NFATC2: variants seen among roughly 807,000 people sequenced by gnomAD.
The protein encoded by NFATC2 is nuclear factor of activated T cells 2, also known as nuclear factor of activated T-cells, cytoplasmic 2.
In NFATC2, 22 loss-of-function variants were observed where a neutral mutation model predicts 87.3. The observed-to-expected ratio is 0.25, with a 90% CI of 0.18 to 0.36. The LOEUF is 0.36. Ranked by LOEUF, NFATC2 falls within the 10% of genes least tolerant of loss-of-function variation. The probability of loss-of-function intolerance (pLI) is 1.00; values close to 1 mark genes in which losing one functional copy is unlikely to be tolerated. For synonymous variants in NFATC2, 565 were observed against 542.2 expected (o/e 1.04, Z -0.58); for missense variants, 1,149 against 1,259.1 (o/e 0.91, Z 1.32).
Position 51,562,489 on chromosome 20 carries a change from G to A in NFATC2, c.70+71C>T. On this transcript the variant is annotated intron_variant, in intron 1 of 10. Coordinates refer to the NFATC2 transcript ENST00000414705. This position sits in a 1 kb window ranked among gnomAD's most constrained non-coding sequence, Gnocchi z 5.8. ...CTGCCGGGAGCTGAAAGTGCTGCCC[G>A]GGACGGGAGCAGCAGGAAAGGGCCG... is the stretch of plus-strand genomic sequence containing the variant. The A allele has an allele frequency of 1.5e-6, 2 of 1,361,504 alleles. No individual in the cohort carries two copies. Among genetic ancestry groups the A allele is most frequent in the Non-Finnish European group, 2.0e-6 (2 of 981,684 alleles). The allele number at this position is 1,361,504 out of a possible 1,614,324, so 84.3% of individuals were successfully genotyped here. A position where few individuals can be genotyped will look rare whatever the true frequency, so the allele number is the denominator to read the frequency against.
chr20:51,510,787 G>A (rs190900867), intron 3 of NFATC2, among the ~76,000 whole-genome samples: 1 of 152,100 alleles, frequency 6.6e-6, no homozygotes, highest in Non-Finnish European at 1.5e-5. Context: ...ACACTCACCT[G>A]AGATTTAGGG....
At chr20:51,511,404 C>T (rs2076269537) in intron 3 of NFATC2, among the ~76,000 whole-genome samples, 1 of 152,210 alleles carries the variant, frequency 6.6e-6, no homozygotes, top group African/African-American at 2.4e-5. Context: ...GGTGATGCAG[C>T]GTGTGGCCCC....
intron 10 of NFATC2, among the ~76,000 whole-genome samples, chr20:51,394,586 GCT>G (rs1224944659): frequency 6.6e-6 from 1 of 151,712 alleles, no homozygotes; most frequent in Non-Finnish European, 1.5e-5. Context: ...CTGCGCTGAT[GCT>G]CTCCTTCCCC....
intron 3 of NFATC2, among the ~76,000 whole-genome samples, chr20:51,505,761 G>A (rs1422940800): frequency 2.6e-5 from 4 of 152,194 alleles, no homozygotes; most frequent in East Asian, 1.9e-4. Context: ...TCGTGGCATC[G>A]TTTGAGGACA....
chr20:51,403,423 C>T (rs1411904759), intron 9 of NFATC2, among the ~76,000 whole-genome samples: 1 of 152,196 alleles, frequency 6.6e-6, no homozygotes, highest in East Asian at 1.9e-4. Flanking sequence ...TCCTAAAAGA[C>T]AGTAGTTCCC....
intron 6 of NFATC2, among the ~76,000 whole-genome samples, chr20:51,451,060 A>G (rs1315721896): frequency 2.6e-5 from 4 of 152,210 alleles, no homozygotes; most frequent in African/African-American, 9.7e-5. Flanking sequence ...TTTCCTGCAC[A>G]GTTCCATCAG....
intron 1 of NFATC2, among the ~76,000 whole-genome samples, chr20:51,539,809 T>C (rs1345607484): frequency 3.9e-5 from 6 of 152,192 alleles, no homozygotes; most frequent in Non-Finnish European, 7.3e-5. Context: ...ACAGCATCCC[T>C]TCTCTTTCTG....
At chr20:51,496,675 G>A (rs2075993973) in intron 3 of NFATC2, among the ~76,000 whole-genome samples, 1 of 152,060 alleles carries the variant, frequency 6.6e-6, no homozygotes, top group Non-Finnish European at 1.5e-5. Flanking sequence ...CTACTTTACA[G>A]GCACAGAGAA....
At position 51,523,153 on chromosome 20, in the gene NFATC2, G is replaced by A. The variant is rs147894507; in HGVS notation, c.1088C>T (p.Ser363Leu). The A allele has an allele frequency of 5.0e-6, 8 of 1,614,102 alleles. No individual in the cohort carries two copies. Among genetic ancestry groups the A allele is most frequent in the African/African-American group, 1.3e-5 (1 of 74,946 alleles). The change falls in exon 2 of 11, where the codon TCG (serine) becomes TTG (leucine). Residue 363 changes from serine (S) to leucine (L), a missense_variant. By Grantham distance (145) the Ser-to-Leu change is moderately radical (BLOSUM62 -2). Transcript: ENST00000371564. This position sits in a 1 kb window ranked among gnomAD's most constrained non-coding sequence, Gnocchi z 6.9. ...GPCEQGERRN[S>L]APESILLVPP... Reference sequence around the variant, plus strand: ...AACCAGCAGGATGGATTCTGGAGCCGAGTTTCTCCTCTCGCCCTGCTCGCA... The same window carrying A: ...AACCAGCAGGATGGATTCTGGAGCCAAGTTTCTCCTCTCGCCCTGCTCGCA...
chr20:51,471,731 T>C (rs2146501439), intron 5 of NFATC2, among the ~76,000 whole-genome samples: 1 of 152,356 alleles, frequency 6.6e-6, no homozygotes, highest in East Asian at 1.9e-4. Context: ...AAATACGCTT[T>C]CCCTTTGCAT....
Position 51,523,487 on chromosome 20 carries a change from G to T in NFATC2, c.754C>A (p.Arg252=). 6.2e-7 allele frequency: 1 copy of T among 1,612,198 alleles called. No individual in the cohort carries two copies. ...ASRSSSPGAK[R]RHSCAEALVA... Reference sequence around the variant, plus strand: ...AAGGCCTCGGCGCACGAATGCCTCCGCTTGGCACCAGGCGATGAGGAGCGG... The same window carrying T: ...AAGGCCTCGGCGCACGAATGCCTCCTCTTGGCACCAGGCGATGAGGAGCGG... Residue 252 remains arginine (R), a synonymous_variant, in exon 2 of 11, where the codon CGG becomes AGG. Transcript: ENST00000371564. The surrounding 1 kb of genome is among the most constrained non-coding windows in gnomAD (Gnocchi z 6.9).
At chr20:51,507,768 G>T (rs1217815143) in intron 3 of NFATC2, among the ~76,000 whole-genome samples, 1 of 152,212 alleles carries the variant, frequency 6.6e-6, no homozygotes, top group Non-Finnish European at 1.5e-5. Flanking sequence ...GACGTCCTAT[G>T]CCCCAATCAA....
intron 1 of NFATC2, among the ~76,000 whole-genome samples, chr20:51,542,084 G>A (rs565446483): frequency 4.6e-5 from 7 of 152,172 alleles, no homozygotes; most frequent in Non-Finnish European, 1.0e-4. Flanking sequence ...CCGCCCCCCA[G>A]CCTTGGGACC....
At chr20:51,453,037 C>T (rs1002324297) in intron 6 of NFATC2, 1 of 154,808 alleles carries the variant, frequency 6.5e-6, no homozygotes, top group Admixed American at 6.5e-5. Context: ...CATCTGCCTT[C>T]TAAACCACTC....
chr20:51,516,910 G>A lies in NFATC2; in HGVS notation c.1206C>T (p.Ser402=). The change falls in exon 3 of 11, where the codon TCC becomes TCT. Residue 402 remains serine (S), a synonymous_variant. Transcript: ENST00000371564. The stretch of plus-strand genomic sequence containing the variant: ...GCAGCTCGTAAGAGCCTGACTGACT[G>A]GACAGCGGCCACTCAAGTGGAGGGA... ...ASLPPLEWPL[S]SQSGSYELRI... is the part of the protein sequence containing the mutation. 4.3e-6 allele frequency: 7 copies of A among 1,614,132 alleles called. No homozygotes were observed. The highest frequency in any genetic ancestry group is 5.9e-6 in the Non-Finnish European group (7 of 1,179,996).
At position 51,410,133 on chromosome 20, in the gene NFATC2, T is replaced by C. The variant is rs1185281340; in HGVS notation, c.2723-11403A>G. Among the ~76,000 whole-genome samples, 9 of 143,412 alleles carry C rather than the reference T, an allele frequency of 6.3e-5. No individual in the cohort carries two copies. In the East Asian group the frequency reaches 1.3e-3, roughly 21 times the overall value. The allele number at this position is 143,412 out of a possible 152,430, so 94.1% of individuals were successfully genotyped here. ...GCTGAGGCAGGAGAATGGCGTGAAC[T>C]CGGGAGGCGGAGCTGGCAGTGAGCC... On this transcript the variant is annotated intron_variant, in intron 9 of 10. Transcript: ENST00000371564.
Position 51,432,602 on chromosome 20 carries a change from C to T in NFATC2, c.2187G>A (p.Gln729=). ...GGGATGAGAGCCCCGTGCGGAACTG[C>T]TGGCAGGGAGCCATGGTGGCCACGA... is the stretch of plus-strand genomic sequence containing the variant. ...SCLVATMAPC[Q]QFRTGLSSPD... is the part of the protein sequence containing the mutation. The change falls in exon 9 of 11, where the codon CAG becomes CAA. Residue 729 remains glutamine, a synonymous_variant. Coordinates refer to ENST00000371564, the MANE Select transcript of NFATC2 (RefSeq NM_012340.5). This position sits in a 1 kb window ranked among gnomAD's most constrained non-coding sequence, Gnocchi z 4.6. 6.5e-7 allele frequency: 1 copy of T among 1,530,078 alleles called. No homozygotes were observed. Among genetic ancestry groups the T allele is most frequent in the Non-Finnish European group, 8.8e-7 (1 of 1,139,504 alleles). 94.8% of individuals were successfully genotyped at this position (1,530,078 alleles called of 1,614,324 possible).
chr20:51,560,746 T>C (rs1161492893), intron 1 of NFATC2, among the ~76,000 whole-genome samples: 1 of 152,072 alleles, frequency 6.6e-6, no homozygotes, highest in East Asian at 1.9e-4. Flanking sequence ...CACACACTGG[T>C]GTGCATACAC....
intron 1 of NFATC2, among the ~76,000 whole-genome samples, chr20:51,559,852 G>A (rs1435258372): frequency 1.3e-5 from 2 of 152,204 alleles, no homozygotes; most frequent in Non-Finnish European, 2.9e-5. Flanking sequence ...GTTAAGCACA[G>A]AACTGAGCAT....
Sources: gnomAD v4.1 joint callset for allele counts (sites outside exome capture counted in the v4.1 genomes callset) on GRCh38, gnomAD v4.1.1 for gene constraint, Gnocchi (gnomAD v3.1) non-coding constraint, MANE v1.5 for transcripts, NCBI Gene and HGNC (gene_info 2026-07-23, HGNC 2026-07-21) for gene names.